The following ZNG1A variants were observed in gnomAD, a reference collection of about 807,000 sequenced individuals.
ZNG1A encodes zinc-regulated GTPase metalloprotein activator 1A.
the ZNG1A span, among the ~76,000 whole-genome samples, chr9:169,209 C>A: frequency 1.3e-5 from 2 of 151,926 alleles, no homozygotes; most frequent in East Asian, 3.9e-4. Flanking sequence ...AAAGATGATT[C>A]CAGCCCTCAC....
the ZNG1A span, among the ~76,000 whole-genome samples, chr9:178,505 G>C: frequency 9.1e-6 from 1 of 110,192 alleles, no homozygotes; most frequent in African/African-American, 2.7e-5. Context: ...ATGAGCGTCA[G>C]GAAGGTAAGA....
At chr9:131,951 C>A in the ZNG1A span, among the ~76,000 whole-genome samples, 1 of 137,626 alleles carries the variant, frequency 7.3e-6, no homozygotes, top group Non-Finnish European at 1.5e-5. Context: ...ACCTACTCAT[C>A]TATAAGATTC....
At chr9:137,980 A>G in the ZNG1A span, among the ~76,000 whole-genome samples, 2 of 123,934 alleles carry the variant, frequency 1.6e-5, no homozygotes, top group Non-Finnish European at 3.3e-5. Context: ...GTGGCTTGAA[A>G]GGATATAACT....
the ZNG1A span, among the ~76,000 whole-genome samples, chr9:175,151 G>A: frequency 2.0e-5 from 3 of 152,116 alleles, no homozygotes; most frequent in Non-Finnish European, 2.9e-5. Context: ...AGGCCGAGGC[G>A]GGTGGATCAC....
the ZNG1A span, among the ~76,000 whole-genome samples, chr9:128,336 A>C: frequency 6.6e-6 from 1 of 150,594 alleles, no homozygotes; most frequent in Admixed American, 6.6e-5. Context: ...TTGGTCATTT[A>C]ACATAATTCC....
chr9:162,556 C>G, the ZNG1A span: 3 of 1,461,148 alleles, frequency 2.1e-6, no homozygotes, highest in Non-Finnish European at 2.8e-6. Context: ...AAAATTAAAA[C>G]TAACCTATTT....
chr9:171,792 T>G, the ZNG1A span: 8 of 401,122 alleles, frequency 2.0e-5, no homozygotes, highest in Admixed American at 1.6e-4. Flanking sequence ...GTCTCTGCTC[T>G]TCCTACATGT....
At chr9:126,717 G>A in the ZNG1A span, among the ~76,000 whole-genome samples, 5,062 of 150,838 alleles carry the variant, frequency 0.034, 157 homozygotes, top group Middle Eastern at 0.072. Context: ...ATTTAATTCC[G>A]CTCTGATCTC....
the ZNG1A span, among the ~76,000 whole-genome samples, chr9:169,723 A>G: frequency 6.7e-6 from 1 of 150,290 alleles, no homozygotes; most frequent in Non-Finnish European, 1.5e-5. Flanking sequence ...ACCAGCAAAA[A>G]GACTATGACT....
At chr9:133,451 T>C in the ZNG1A span, among the ~76,000 whole-genome samples, 3 of 149,710 alleles carry the variant, frequency 2.0e-5, no homozygotes, top group Non-Finnish European at 4.4e-5. Context: ...AAATTTCCTA[T>C]TAAAATACAT....
the ZNG1A span, among the ~76,000 whole-genome samples, chr9:144,627 T>C: frequency 2.6e-5 from 4 of 151,830 alleles, no homozygotes; most frequent in South Asian, 2.1e-4. Flanking sequence ...ATTCAGGACA[T>C]AGGCATGGGC....
the ZNG1A span, among the ~76,000 whole-genome samples, chr9:155,296 A>G: frequency 1.4e-4 from 21 of 150,604 alleles, no homozygotes; most frequent in East Asian, 1.7e-3. Context: ...TTTTAAAACT[A>G]TACTTCAGAG....
At chr9:176,891 T>A in the ZNG1A span, among the ~76,000 whole-genome samples, 2 of 151,924 alleles carry the variant, frequency 1.3e-5, no homozygotes, top group African/African-American at 2.4e-5. Flanking sequence ...AGGTTTCTAA[T>A]ACGTTACAAA....
chr9:174,638 T>C, the ZNG1A span, among the ~76,000 whole-genome samples: 1 of 150,182 alleles, frequency 6.7e-6, no homozygotes, highest in African/African-American at 2.5e-5. Flanking sequence ...CTCTTTCGTT[T>C]ATTAAAACCA....
chr9:139,117 T>A, the ZNG1A span, among the ~76,000 whole-genome samples: 14 of 147,726 alleles, frequency 9.5e-5, no homozygotes, highest in South Asian at 2.8e-3. Flanking sequence ...TGAGAACAAG[T>A]TAAATGTCCA....
chr9:163,866 G>C, the ZNG1A span: 3 of 1,090,192 alleles, frequency 2.8e-6, no homozygotes, highest in Non-Finnish European at 4.0e-6. Context: ...GCAGTGAGCC[G>C]AGATCATGCC....
At chr9:122,482 G>C in the ZNG1A span, 1 of 1,085,130 alleles carries the variant, frequency 9.2e-7, no homozygotes, top group Non-Finnish European at 1.1e-6. Flanking sequence ...AGAAGTTAAA[G>C]GAGTTTGGTT....
At chr9:131,234 G>A in the ZNG1A span, among the ~76,000 whole-genome samples, 2 of 139,634 alleles carry the variant, frequency 1.4e-5, no homozygotes, top group South Asian at 4.7e-4. Context: ...TTCCATGTAT[G>A]CTGACACAGA....
At chr9:161,236 A>G in the ZNG1A span, among the ~76,000 whole-genome samples, 3 of 152,018 alleles carry the variant, frequency 2.0e-5, no homozygotes, top group African/African-American at 7.2e-5. Context: ...TGGGAGGCCG[A>G]GGCGGGTGGA....
Sources: allele counts gnomAD v4.1 joint callset (sites outside exome capture counted in the v4.1 genomes callset), GRCh38; gene constraint gnomAD v4.1.1; transcripts MANE v1.5; gene names NCBI Gene and HGNC (gene_info 2026-07-23, HGNC 2026-07-21).